Variants in SMAD5 observed in about 807,000 individuals in gnomAD.
The protein encoded by SMAD5 is SMAD family member 5.
Under a neutral mutation model 43.1 loss-of-function variants are expected in SMAD5, and 9 were observed. That is an observed-to-expected ratio of 0.21 (90% CI 0.13 to 0.36). SMAD5 has a LOEUF of 0.36. Ranked by LOEUF, SMAD5 falls within the 10% of genes least tolerant of loss-of-function variation. SMAD5 has a pLI of 1.00. For missense variants in SMAD5, 348 were observed against 574.0 expected (o/e 0.61, Z 4.02); for synonymous variants, 190 against 192.4 (o/e 0.99, Z 0.10).
intron 2 of SMAD5, among the ~76,000 whole-genome samples, chr5:136,150,340 C>T (rs571338117): frequency 7.2e-5 from 11 of 151,784 alleles, no homozygotes; most frequent in Middle Eastern, 6.8e-3. Context: ...TCTTAGTCAA[C>T]GTGGGTTTAA....
In SMAD5 at chr5:136,161,000, C is replaced by G; in HGVS notation, c.548C>G (p.Thr183Ser). Reference protein sequence around the residue: ...FPDSFHQPNNTPFPLSPNSPY... With the variant: ...FPDSFHQPNNSPFPLSPNSPY... The stretch of plus-strand genomic sequence containing the variant: ...GATTCTTTCCACCAGCCCAACAACA[C>G]TCCTTTTCCCTTATCTCCAAACAGC... The change falls in exon 4 of 8, where the codon ACT (threonine) becomes AGT (serine). Residue 183 changes from threonine to serine, a missense_variant. By Grantham distance (58) the Thr-to-Ser change is moderately conservative. Coordinates refer to ENST00000545279, the MANE Select transcript of SMAD5 (RefSeq NM_005903.7). 6.2e-7 allele frequency: 1 copy of G among 1,613,926 alleles called. No homozygotes were observed. The highest frequency in any genetic ancestry group is 8.5e-7 in the Non-Finnish European group (1 of 1,179,874).
chr5:136,155,507 A>G (rs971595033), intron 3 of SMAD5, among the ~76,000 whole-genome samples: 4 of 152,252 alleles, frequency 2.6e-5, no homozygotes, highest in African/African-American at 7.2e-5. Context: ...AGCCAGAATG[A>G]TTTTTTAAAA....
chr5:136,149,737 A>T (rs907900982), intron 2 of SMAD5, among the ~76,000 whole-genome samples: 1 of 151,876 alleles, frequency 6.6e-6, no homozygotes, highest in African/African-American at 2.4e-5. Context: ...GGTAGCTTGC[A>T]CATACCACTT....
intron 1 of SMAD5, among the ~76,000 whole-genome samples, chr5:136,146,998 A>G (rs1205840299): frequency 6.6e-6 from 1 of 151,694 alleles, no homozygotes; most frequent in Non-Finnish European, 1.5e-5. Context: ...GCAAGACTAT[A>G]TATATGCAGA....
intron 6 of SMAD5, 149 bp downstream of exon 6, chr5:136,172,804 T>G (rs952506047): frequency 3.2e-6 from 2 of 620,932 alleles, no homozygotes; most frequent in East Asian, 5.4e-5. Flanking sequence ...AATGTATTAA[T>G]CAAATAAAGA....
rs531180094 is a variant in SMAD5, at chr5:136,138,626, A to G, written c.-245+5664A>G. Among the ~76,000 whole-genome samples the G allele has an allele frequency of 7.2e-5, 11 of 152,264 alleles. No individual in the cohort carries two copies. In the South Asian group the frequency reaches 2.3e-3, roughly 32 times the overall value. On this transcript the variant is annotated intron_variant, in intron 1 of 7. Transcript: ENST00000545279. ...GTCTACTTGCTGACACTTGGTGACTACTATTGATAATGAGAACCACAAGGG... is the reference window on the plus strand; with the variant it reads ...GTCTACTTGCTGACACTTGGTGACTGCTATTGATAATGAGAACCACAAGGG...
Position 136,181,609 on chromosome 5 carries a change from A to G in SMAD5, c.*4129A>G, listed in dbSNP as rs1754630384. On this transcript the variant is annotated 3_prime_UTR_variant, in exon 8 of 8. Coordinates refer to ENST00000545279, the MANE Select transcript of SMAD5 (RefSeq NM_005903.7). Reference sequence around the variant, plus strand: ...TCTTAGGAGCTTTTCTTATCACACAAGATGCCTGAATCGAATGTGAGAATT... The same window carrying G: ...TCTTAGGAGCTTTTCTTATCACACAGGATGCCTGAATCGAATGTGAGAATT... The G allele has an allele frequency of 6.6e-6, 1 of 152,184 alleles. No homozygotes were observed. Among genetic ancestry groups the G allele is most frequent in the South Asian group, 2.1e-4 (1 of 4,832 alleles). The allele number at this position is 152,184 out of a possible 1,614,324, so 9.4% of individuals were successfully genotyped here.
intron 1 of SMAD5, among the ~76,000 whole-genome samples, chr5:136,139,787 T>C (rs1488544819): frequency 6.6e-6 from 1 of 151,540 alleles, no homozygotes; most frequent in Non-Finnish European, 1.5e-5. Flanking sequence ...CCTTGACCTC[T>C]TGGGCTCAAG....
At chr5:136,162,084 A>G (rs900260078) in intron 4 of SMAD5, among the ~76,000 whole-genome samples, 3 of 152,230 alleles carry the variant, frequency 2.0e-5, no homozygotes, top group African/African-American at 7.2e-5. Context: ...ATGGGTAGCC[A>G]GAGCACATTC....
intron 1 of SMAD5, chr5:136,133,692 A>C (rs1267957552): frequency 1.3e-5 from 2 of 152,758 alleles, no homozygotes; most frequent in Non-Finnish European, 2.9e-5. Flanking sequence ...TCAGGGCTCA[A>C]ATTAATATTC....
rs1754601069 is a variant in SMAD5, at chr5:136,180,859, T to C, written c.*3379T>C. 6.6e-6 allele frequency: 1 copy of C among 152,104 alleles called. No individual in the cohort carries two copies. The highest frequency in any genetic ancestry group is 1.5e-5 in the Non-Finnish European group (1 of 67,958). 9.4% of individuals were successfully genotyped at this position (152,104 alleles called of 1,614,324 possible). A position where few individuals can be genotyped will look rare whatever the true frequency, so the allele number is the denominator to read the frequency against. ...ATAACATTTGAGAGTAAGATATCCT[T>C]CAGGATGTGAAGTGATTATTAAGTA... On this transcript the variant is annotated 3_prime_UTR_variant, in exon 8 of 8. Coordinates refer to ENST00000545279, the MANE Select transcript of SMAD5 (RefSeq NM_005903.7).
Position 136,165,221 on chromosome 5 carries a change from T to C in SMAD5, c.775+1830T>C, listed in dbSNP as rs7702993. Reference sequence around the variant, plus strand: ...TGGAGTGCAGTGGCGTGATCATAGCTCACTGGAGCCTCAGACTCCTGGGCT... The same window carrying C: ...TGGAGTGCAGTGGCGTGATCATAGCCCACTGGAGCCTCAGACTCCTGGGCT... On this transcript the variant is annotated intron_variant, in intron 5 of 7. Coordinates refer to ENST00000545279, the MANE Select transcript of SMAD5 (RefSeq NM_005903.7). Among the ~76,000 whole-genome samples, 228 of 152,250 alleles carry C rather than the reference T, an allele frequency of 1.5e-3. 3 individuals carry two copies. Among genetic ancestry groups the C allele is most frequent in the African/African-American group, 5.2e-3 (217 of 41,548 alleles).
At chr5:136,148,040 C>T (rs1262659982) in intron 2 of SMAD5, 134 bp downstream of exon 2, 1 of 151,682 alleles carries the variant, frequency 6.6e-6, no homozygotes, top group Non-Finnish European at 1.5e-5. Context: ...CCATTTTATA[C>T]TAAATGGTGA....
chr5:136,133,451 A>G (rs1042326737), intron 1 of SMAD5: 5 of 152,358 alleles, frequency 3.3e-5, no homozygotes, highest in African/African-American at 9.6e-5. Context: ...TTGTGTTTCA[A>G]AGATAAGGAT....
At chr5:136,150,937 G>A (rs1227328565) in intron 2 of SMAD5, among the ~76,000 whole-genome samples, 3 of 151,998 alleles carry the variant, frequency 2.0e-5, no homozygotes, top group Non-Finnish European at 4.4e-5. Flanking sequence ...GTAAAGAACA[G>A]AATCTGGTGG....
chr5:136,158,771 C>T (rs1753727582), intron 3 of SMAD5, among the ~76,000 whole-genome samples: 1 of 152,030 alleles, frequency 6.6e-6, no homozygotes, highest in East Asian at 1.9e-4. Flanking sequence ...TGGTGGTCAG[C>T]GCCTGTAGTC....
chr5:136,137,368 A>T (rs1752924130), intron 1 of SMAD5, among the ~76,000 whole-genome samples: 1 of 149,886 alleles, frequency 6.7e-6, no homozygotes, highest in African/African-American at 2.5e-5. Context: ...TTTTAGCAGG[A>T]TTTTTTCTTT....
intron 5 of SMAD5, among the ~76,000 whole-genome samples, chr5:136,167,738 A>G (rs1754070476): frequency 6.6e-6 from 1 of 150,792 alleles, no homozygotes; most frequent in Non-Finnish European, 1.5e-5. Context: ...AGATCATGCT[A>G]CTGTGCTCAA....
At position 136,182,557 on chromosome 5, in the gene SMAD5, C is replaced by CT. The variant is rs1389501428; in HGVS notation, c.*5079dup. 2 of 152,516 alleles carry CT rather than the reference C, an allele frequency of 1.3e-5. No homozygotes were observed. The highest frequency in any genetic ancestry group is 2.9e-5 in the Non-Finnish European group (2 of 68,008). 9.4% of individuals were successfully genotyped at this position (152,516 alleles called of 1,614,324 possible). On this transcript the variant is annotated 3_prime_UTR_variant, in exon 8 of 8. Transcript: ENST00000545279. ...CTGCTGCTTATTTGTATTTGTTGTG[C>CT]TTCTGTTTATGTTGTAGAAGCTGAA...
Sources: gnomAD v4.1 joint callset for allele counts (sites outside exome capture counted in the v4.1 genomes callset) on GRCh38, gnomAD v4.1.1 for gene constraint, MANE v1.5 for transcripts, NCBI Gene and HGNC (gene_info 2026-07-23, HGNC 2026-07-21) for gene names.